EPB41L5: variants seen among roughly 807,000 people sequenced by gnomAD.
EPB41L5 encodes the protein band 4.1-like protein 5.
A neutral mutation model predicts 106.6 loss-of-function variants in EPB41L5; 55 were observed. The ratio of observed to expected loss-of-function variants is 0.52; its 90% CI spans 0.42 to 0.65. The LOEUF (loss-of-function observed/expected upper bound fraction) is 0.65. EPB41L5 is among the 30% of genes least tolerant of loss of function. The pLI is 0.00. For missense variants in EPB41L5, 871 were observed against 882.1 expected (o/e 0.99, Z 0.16); for synonymous variants, 297 against 306.7 (o/e 0.97, Z 0.33).
At chr2:120,016,973 T>C (rs1677568496) in intron 1 of EPB41L5, among the ~76,000 whole-genome samples, 1 of 152,242 alleles carries the variant, frequency 6.6e-6, no homozygotes, top group African/African-American at 2.4e-5. Context: ...TCCTTGGGAT[T>C]AGTTTACCTA....
intron 16 of EPB41L5, among the ~76,000 whole-genome samples, chr2:120,109,027 GAT>G (rs1684601114): frequency 6.6e-6 from 1 of 152,130 alleles, no homozygotes; most frequent in Admixed American, 6.5e-5. Context: ...GTCTTGTATT[GAT>G]ATCTCTTTTT....
At chr2:120,163,629 A>C (rs1293201499) in intron 21 of EPB41L5, among the ~76,000 whole-genome samples, 1 of 147,496 alleles carries the variant, frequency 6.8e-6, no homozygotes, top group East Asian at 2.0e-4. Context: ...GTATGATATT[A>C]CCATACAGAG....
intron 16 of EPB41L5, among the ~76,000 whole-genome samples, chr2:120,115,865 A>G (rs1020587356): frequency 1.3e-5 from 2 of 152,184 alleles, no homozygotes; most frequent in Admixed American, 6.5e-5. Context: ...GCTGGAGTGC[A>G]GTGGCACGAT....
At chr2:120,015,907 T>TA (rs35254844) in intron 1 of EPB41L5, among the ~76,000 whole-genome samples, 4,882 of 120,656 alleles carry the variant, frequency 0.04, 111 homozygotes, top group African/African-American at 0.061. Context: ...AGACTGTCTC[T>TA]AAAAAAAAAA....
chr2:120,042,995 ATGTGTGTGTGTGTGTGTGTGTG>A (rs60253351), intron 3 of EPB41L5, among the ~76,000 whole-genome samples: 14 of 70,030 alleles, frequency 2.0e-4, no homozygotes, highest in South Asian at 1.2e-3. Context: ...TTTTCTGGAA[ATGTGTGTGTGTGTGTGTGTGTG>A]TGTGTGTGTG....
At chr2:120,126,680 G>C (rs987829148) in intron 16 of EPB41L5, among the ~76,000 whole-genome samples, 2 of 152,124 alleles carry the variant, frequency 1.3e-5, no homozygotes, top group African/African-American at 4.8e-5. Context: ...GTATCAGCCT[G>C]TCTTGATTAC....
At position 120,174,893 on chromosome 2, in the gene EPB41L5, A is replaced by G. The variant is rs1260213392; in HGVS notation, c.2188A>G (p.Thr730Ala). Residue 730 changes from threonine to alanine, a missense_variant, in exon 25 of 25, where the codon ACC becomes GCC. By Grantham distance (58) the Thr-to-Ala change is moderately conservative. Coordinates refer to ENST00000263713, the MANE Select transcript of EPB41L5 (RefSeq NM_020909.4). The stretch of plus-strand genomic sequence containing the variant: ...TGTCCTGAAGCAGAAGTGTTTACTG[A>G]CCACTGAGCTCTGAGGGCCTGTAGC... The part of the protein sequence containing the change: ...EAVLKQKCLL[T>A]TEL The G allele has an allele frequency of 5.0e-6, 8 of 1,614,156 alleles. No individual in the cohort carries two copies. The Admixed American group carries it at 5.0e-5, about 10-fold the overall frequency.
At chr2:120,167,748 C>G in intron 23 of EPB41L5, 129 bp from the exon 24 acceptor site, 1 of 1,234,430 alleles carries the variant, frequency 8.1e-7, no homozygotes, top group Non-Finnish European at 1.1e-6. Flanking sequence ...AAAAACAAAA[C>G]AAACAGTCAT....
chr2:120,134,085 C>G (rs1685819951), intron 18 of EPB41L5, among the ~76,000 whole-genome samples: 1 of 151,996 alleles, frequency 6.6e-6, no homozygotes, highest in South Asian at 2.1e-4. Context: ...ATCCTTGGGT[C>G]AGTGGTTTCC....
In EPB41L5 at chr2:120,073,187, G is replaced by A. The variant is rs1681996633; in HGVS notation, c.295G>A (p.Asp99Asn). The change falls in exon 4 of 25, where the codon GAT becomes AAT. Residue 99 changes from aspartate (D) to asparagine (N), a missense_variant. By Grantham distance (23) the Asp-to-Asn change is conservative. Coordinates refer to ENST00000263713, the MANE Select transcript of EPB41L5 (RefSeq NM_020909.4). ...TGTTTTTGTTTTTCAGCATTGGTTG[G>A]ATGGTACAAAAAGCATCAAAAAGCA... ...MDSAQVAHWL[D>N]GTKSIKKQVK... The A allele has an allele frequency of 6.2e-7, 1 of 1,606,272 alleles. No homozygotes were observed. Among genetic ancestry groups the A allele is most frequent in the East Asian group, 2.2e-5 (1 of 44,614 alleles).
chr2:120,044,710 A>C (rs1001665586), intron 3 of EPB41L5, among the ~76,000 whole-genome samples: 7 of 152,142 alleles, frequency 4.6e-5, no homozygotes, highest in Admixed American at 6.5e-5. Flanking sequence ...TGATACACAT[A>C]TAGTGCCTTT....
At chr2:120,046,484 G>A (rs1055797064) in intron 3 of EPB41L5, among the ~76,000 whole-genome samples, 7 of 150,616 alleles carry the variant, frequency 4.6e-5, no homozygotes, top group South Asian at 2.1e-4. Context: ...CATACCTTTC[G>A]CCCACTTTTT....
intron 16 of EPB41L5, among the ~76,000 whole-genome samples, chr2:120,113,176 T>C (rs942101816): frequency 9.9e-5 from 15 of 152,212 alleles, no homozygotes; most frequent in African/African-American, 3.1e-4. Flanking sequence ...CACTGTTGAG[T>C]TTAAAACTTA....
intron 16 of EPB41L5, among the ~76,000 whole-genome samples, chr2:120,117,117 G>A (rs1386813404): frequency 6.6e-6 from 1 of 152,124 alleles, no homozygotes; most frequent in Admixed American, 6.5e-5. Context: ...TTAAGAAATA[G>A]AAATTACCAC....
At chr2:120,142,551 C>A (rs1686221122) in intron 18 of EPB41L5, among the ~76,000 whole-genome samples, 1 of 152,120 alleles carries the variant, frequency 6.6e-6, no homozygotes, top group South Asian at 2.1e-4. Context: ...GGCATGAAGT[C>A]TATTCTCTTG....
In EPB41L5 at chr2:120,073,169, G is replaced by T. The variant is rs1681994175; in HGVS notation, c.286-9G>T. 2 of 1,599,372 alleles carry T rather than the reference G, an allele frequency of 1.3e-6. No individual in the cohort carries two copies. Among genetic ancestry groups the T allele is most frequent in the Non-Finnish European group, 1.7e-6 (2 of 1,176,698 alleles). ...TCTGCTTAACTAAATTTTTGTTTTT[G>T]TTTTTCAGCATTGGTTGGATGGTAC... On this transcript the variant is annotated splice_polypyrimidine_tract_variant and intron_variant, in intron 3 of 24. Transcript: ENST00000263713.
intron 20 of EPB41L5, among the ~76,000 whole-genome samples, chr2:120,154,909 G>C (rs1445386306): frequency 1.3e-5 from 2 of 152,010 alleles, no homozygotes; most frequent in Admixed American, 6.5e-5. Context: ...CTGGGCGACA[G>C]AGCAAGACTC....
intron 3 of EPB41L5, among the ~76,000 whole-genome samples, chr2:120,061,973 A>G (rs1681115455): frequency 1.3e-5 from 2 of 152,072 alleles, no homozygotes; most frequent in South Asian, 2.1e-4. Context: ...CTAGCTCTCC[A>G]TTTTTTATTT....
chr2:120,097,148 C>A (rs1428152848), intron 14 of EPB41L5, among the ~76,000 whole-genome samples: 1 of 152,078 alleles, frequency 6.6e-6, no homozygotes, highest in Non-Finnish European at 1.5e-5. Context: ...ATTAGTGATG[C>A]TTTTGACTCT....
Sources: allele counts gnomAD v4.1 joint callset (sites outside exome capture counted in the v4.1 genomes callset), GRCh38; gene constraint gnomAD v4.1.1; transcripts MANE v1.5; gene names NCBI Gene and HGNC (gene_info 2026-07-23, HGNC 2026-07-21).